ALG9: variants seen among roughly 807,000 people sequenced by gnomAD.
ALG9 encodes the protein alpha-1,2-mannosyltransferase ALG9.
Under a neutral mutation model 81.8 loss-of-function variants are expected in ALG9, and 55 were observed. The observed-to-expected ratio is 0.67, with a 90% CI of 0.54 to 0.84. The LOEUF (loss-of-function observed/expected upper bound fraction) is 0.84, where lower values mean the gene tolerates loss of function less well. ALG9 is among the 40% of genes least tolerant of loss of function. The pLI, the probability that ALG9 is intolerant of heterozygous loss-of-function variation, is 0.00. For missense variants in ALG9, 629 were observed against 745.0 expected (o/e 0.84, Z 1.81); for synonymous variants, 278 against 274.3 (o/e 1.01, Z -0.13).
chr11:111,794,756 C>T (rs1370426449), intron 14 of ALG9, among the ~76,000 whole-genome samples: 1 of 152,196 alleles, frequency 6.6e-6, no homozygotes, highest in Non-Finnish European at 1.5e-5. Flanking sequence ...ATCTTTCCAG[C>T]CGCAGCTTTT....
intron 1 of ALG9, chr11:111,871,008 G>A (rs1555158139): frequency 1.9e-6 from 2 of 1,045,360 alleles, no homozygotes; most frequent in Non-Finnish European, 2.3e-6. Flanking sequence ...GTCGGGACTT[G>A]AGGGAGAATA....
chr11:111,844,064 G>A lies in ALG9; in HGVS notation c.1018+537C>T, dbSNP rs532567785. The stretch of plus-strand genomic sequence containing the variant: ...TGTCGCTCAGCTGGAGTGCAGCGGC[G>A]CAGGGTCTTGGCTCACTACAACCTC... On this transcript the variant is annotated intron_variant, in intron 9 of 14. Transcript: ENST00000616540. 3.3e-5 allele frequency among the ~76,000 whole-genome samples: 5 copies of A among 151,786 alleles called. No homozygotes were observed. The East Asian group carries it at 5.8e-4, about 18-fold the overall frequency.
At chr11:111,847,515 G>A (rs769874536) in intron 8 of ALG9, among the ~76,000 whole-genome samples, 1 of 152,168 alleles carries the variant, frequency 6.6e-6, no homozygotes, top group Non-Finnish European at 1.5e-5. Context: ...GCACTCCTCA[G>A]CAGAGAGCAC....
chr11:111,812,418 T>G (rs11214009), intron 13 of ALG9, among the ~76,000 whole-genome samples: 1 of 151,990 alleles, frequency 6.6e-6, no homozygotes, highest in Non-Finnish European at 1.5e-5. Flanking sequence ...AATTTAAAAA[T>G]TAGCCGGGCA....
intron 14 of ALG9, among the ~76,000 whole-genome samples, chr11:111,799,481 T>G (rs1948788261): frequency 6.7e-6 from 1 of 149,848 alleles, no homozygotes; most frequent in South Asian, 2.1e-4. Context: ...CAAACAAACA[T>G]GCTGGTACTG....
chr11:111,819,713 T>C (rs1952024007), intron 13 of ALG9, among the ~76,000 whole-genome samples: 1 of 152,256 alleles, frequency 6.6e-6, no homozygotes, highest in East Asian at 1.9e-4. Context: ...TTCTGATTCA[T>C]CACATCTCCT....
In ALG9 at chr11:111,853,387, A is replaced by C. The variant is rs782419749; in HGVS notation, c.888T>G (p.Asp296Glu). 19 of 1,613,048 alleles carry C rather than the reference A, an allele frequency of 1.2e-5. No individual in the cohort carries two copies. Among genetic ancestry groups the C allele is most frequent in the Non-Finnish European group, 1.4e-5 (17 of 1,179,178 alleles). ...LYNVFTPHGPDLYGTEPWYFY... is the reference protein window; with the variant it reads ...LYNVFTPHGPELYGTEPWYFY... ...AATTTCACAAAGCCTTACCATAAAG[A>C]TCAGGTCCATGAGGAGTAAAGACAT... Residue 296 changes from aspartate (D) to glutamate (E), a missense_variant, in exon 8 of 15, where the codon GAT becomes GAG. Physicochemically the swap from Asp to Glu is conservative, Grantham distance 45 (BLOSUM62 2). Around this residue, in one of 3 missense-constraint regions of ALG9, gnomAD observed 344 missense variants for 390.5 expected, o/e 0.88. Transcript: ENST00000616540.
At position 111,860,603 on chromosome 11, in the gene ALG9, C is replaced by T; in HGVS notation, c.509G>A (p.Ser170Asn). The T allele has an allele frequency of 6.2e-7, 1 of 1,614,042 alleles. No homozygotes were observed. The highest frequency in any genetic ancestry group is 8.5e-7 in the Non-Finnish European group (1 of 1,179,984). ...AVCKKFGLHV[S>N]RMMLAFLVLS... is the part of the protein sequence containing the mutation. ...AACCAAGAAGGCTAGCATCATTCGA[C>T]TCACGTGCAACCCAAACTTCTTGCA... The change falls in exon 5 of 15, where the codon AGT (serine) becomes AAT (asparagine). Residue 170 changes from serine (S) to asparagine (N), a missense_variant. By Grantham distance (46) the Ser-to-Asn change is conservative. This residue lies in a region of ALG9 where 344 missense variants were observed against 390.5 expected (regional missense o/e 0.88). Transcript: ENST00000616540.
the ALG9 span, among the ~76,000 whole-genome samples, chr11:111,773,735 A>G: frequency 6.8e-6 from 1 of 146,858 alleles, no homozygotes; most frequent in Non-Finnish European, 1.5e-5. Context: ...AATGGCTAAT[A>G]CGAAAATCAT....
At chr11:111,846,874 A>G (rs1441828932) in intron 8 of ALG9, among the ~76,000 whole-genome samples, 1 of 152,190 alleles carries the variant, frequency 6.6e-6, no homozygotes, top group Non-Finnish European at 1.5e-5. Flanking sequence ...ACCATGTCAG[A>G]ATGACAAGCT....
downstream of ALG9, among the ~76,000 whole-genome samples, chr11:111,780,688 T>A (rs1419075480): frequency 6.6e-6 from 1 of 152,192 alleles, no homozygotes; most frequent in African/African-American, 2.4e-5. Flanking sequence ...TGAGCCACCA[T>A]GTCCGGCCAA....
intron 14 of ALG9, among the ~76,000 whole-genome samples, chr11:111,800,513 A>T (rs1304678846): frequency 6.6e-6 from 1 of 151,540 alleles, no homozygotes; most frequent in African/African-American, 2.4e-5. Context: ...ATAAAAAAGA[A>T]TCTAACTCTA....
intron 11 of ALG9, 43 bp downstream of exon 11, chr11:111,838,206 A>G: frequency 6.2e-7 from 1 of 1,610,688 alleles, no homozygotes; most frequent in Non-Finnish European, 8.5e-7. Context: ...CCTAAGAGCA[A>G]GTGACTCGTC....
At chr11:111,844,197 G>A (rs889162095) in intron 9 of ALG9, among the ~76,000 whole-genome samples, 1 of 152,128 alleles carries the variant, frequency 6.6e-6, no homozygotes, top group Non-Finnish European at 1.5e-5. Flanking sequence ...TAGAGATGGG[G>A]TTTCACCACG....
chr11:111,794,207 T>C (rs1322035503), intron 14 of ALG9, among the ~76,000 whole-genome samples: 1 of 152,232 alleles, frequency 6.6e-6, no homozygotes, highest in African/African-American at 2.4e-5. Flanking sequence ...CAGTCCCTGA[T>C]GTCACCAGTT....
chr11:111,769,822 C>T, the ALG9 span, among the ~76,000 whole-genome samples: 1 of 151,996 alleles, frequency 6.6e-6, no homozygotes, highest in Non-Finnish European at 1.5e-5. Context: ...AATGAACTGG[C>T]GATTCAAGGA....
At chr11:111,803,764 A>G (rs1949503036) in intron 14 of ALG9, among the ~76,000 whole-genome samples, 1 of 152,210 alleles carries the variant, frequency 6.6e-6, no homozygotes, top group Non-Finnish European at 1.5e-5. Context: ...TCATGCAAAA[A>G]AAATTAATTT....
At chr11:111,823,367 A>G (rs938099289) in intron 13 of ALG9, among the ~76,000 whole-genome samples, 14 of 152,214 alleles carry the variant, frequency 9.2e-5, no homozygotes, top group Non-Finnish European at 1.3e-4. Context: ...TCATCATTAC[A>G]TACATTTCCA....
At chr11:111,852,772 C>T (rs1378598418) in intron 8 of ALG9, among the ~76,000 whole-genome samples, 9 of 151,888 alleles carry the variant, frequency 5.9e-5, no homozygotes, top group African/African-American at 9.7e-5. Context: ...CCCGTCTCTA[C>T]TAAAAATACA....
Sources: gnomAD v4.1 joint callset for allele counts (sites outside exome capture counted in the v4.1 genomes callset) on GRCh38, gnomAD v4.1.1 for gene constraint, gnomAD v4.1.1 regional missense constraint, MANE v1.5 for transcripts, NCBI Gene and HGNC (gene_info 2026-07-23, HGNC 2026-07-21) for gene names.